The following TNPO3 variants were observed in gnomAD, a reference collection of about 807,000 sequenced individuals.
The protein encoded by TNPO3 is transportin 3.
Under a neutral mutation model 122.8 loss-of-function variants are expected in TNPO3, and 65 were observed. The observed-to-expected ratio is 0.53, with a 90% confidence interval of 0.43 to 0.65. The LOEUF (loss-of-function observed/expected upper bound fraction) is 0.65. Ranked by LOEUF, TNPO3 falls within the 30% of genes least tolerant of loss-of-function variation. The pLI, the probability that TNPO3 is intolerant of heterozygous loss-of-function variation, is 0.00. For synonymous variants in TNPO3, 372 were observed against 411.2 expected (o/e 0.90, Z 1.15); for missense variants, 850 against 1,136.7 (o/e 0.75, Z 3.63).
chr7:129,025,564 A>G (rs1247197810), intron 1 of TNPO3, among the ~76,000 whole-genome samples: 1 of 151,970 alleles, frequency 6.6e-6, no homozygotes, highest in African/African-American at 2.4e-5. Context: ...AATGGCCAGT[A>G]AAGTTCTATT....
chr7:128,954,520 A>T lies in TNPO3; in HGVS notation c.*897T>A, dbSNP rs1181984744. ...AACCTTAAAAAACAAAAACTTACAC[A>T]TTTATATCCTGCACTCCCCACCCAC... On this transcript the variant is annotated 3_prime_UTR_variant, in exon 23 of 23. Transcript: ENST00000265388. 1 of 152,110 alleles carries T rather than the reference A, an allele frequency of 6.6e-6. No homozygotes were observed. The highest frequency in any genetic ancestry group is 1.5e-5 in the Non-Finnish European group (1 of 68,034). 9.4% of individuals were successfully genotyped at this position (152,110 alleles called of 1,614,324 possible). A position where few individuals can be genotyped will look rare whatever the true frequency, so the allele number is the denominator to read the frequency against.
At chr7:129,009,754 C>CA (rs774832501) in intron 4 of TNPO3, among the ~76,000 whole-genome samples, 2 of 152,216 alleles carry the variant, frequency 1.3e-5, no homozygotes, top group Non-Finnish European at 2.9e-5. Flanking sequence ...ACAGTCTGAG[C>CA]ACCACAGCTT....
In TNPO3 at chr7:129,055,049, C is replaced by T; in HGVS notation, c.-279G>A. ...AGATTCTGGCGCTCCCGTCTTCAGT[C>T]GCTGACTTGCCCTCAGAAGCCTATC... On this transcript the variant is annotated 5_prime_UTR_variant, in exon 1 of 23. Transcript: ENST00000265388. 1 of 416,630 alleles carries T rather than the reference C, an allele frequency of 2.4e-6. No individual in the cohort carries two copies. Among genetic ancestry groups the T allele is most frequent in the Non-Finnish European group, 4.5e-6 (1 of 222,744 alleles). 25.8% of individuals were successfully genotyped at this position (416,630 alleles called of 1,614,324 possible).
rs199600419 is a variant in TNPO3 at position 128,970,149 on chromosome 7, G to T, written c.2597C>A (p.Pro866Gln). 1 of 1,613,952 alleles carries T rather than the reference G, an allele frequency of 6.2e-7. No homozygotes were observed. Among genetic ancestry groups the T allele is most frequent in the Non-Finnish European group, 8.5e-7 (1 of 1,179,932 alleles). Reference protein sequence around the residue: ...VLWEIMQVDRPTFCRWLENSL... With the variant: ...VLWEIMQVDRQTFCRWLENSL... Reference sequence around the variant, plus strand: ...AATTCCTCATGAAAACAATCTTACCGGTCTGTCAACCTGCATGATCTCCCA... The same window carrying T: ...AATTCCTCATGAAAACAATCTTACCTGTCTGTCAACCTGCATGATCTCCCA... Residue 866 changes from proline (P) to glutamine (Q), a missense_variant and splice_region_variant, in exon 20 of 23, where the codon CCG (proline) becomes CAG (glutamine). Physicochemically the swap from Pro to Gln is moderately conservative, Grantham distance 76 (BLOSUM62 -1). Transcript: ENST00000265388.
At chr7:128,980,972 G>GA (rs150330842) in intron 14 of TNPO3, among the ~76,000 whole-genome samples, 14,526 of 150,072 alleles carry the variant, frequency 0.097, 765 homozygotes, top group Non-Finnish European at 0.12. Context: ...AGAAAAGCAG[G>GA]AAAAAAAAAC....
intron 1 of TNPO3, chr7:129,028,760 C>A (rs1420735620): frequency 4.2e-6 from 1 of 238,392 alleles, no homozygotes; most frequent in Non-Finnish European, 8.2e-6. Flanking sequence ...GTTTCCACTG[C>A]TGCTCTGAGG....
rs771718229 is a variant in TNPO3, at chr7:128,967,406, AG to A, written c.2599-15del. ...TCGACAAAAAGTCTGTATAGGAAAG[AG>A]GGGTAAGAGTTTTAAAAGGAAGCAT... On this transcript the variant is annotated splice_polypyrimidine_tract_variant and intron_variant, in intron 20 of 22. Transcript: ENST00000265388. 5.2e-6 allele frequency: 8 copies of A among 1,552,422 alleles called. No homozygotes were observed. The East Asian group carries it at 9.0e-5, about 17-fold the overall frequency.
intron 3 of TNPO3, among the ~76,000 whole-genome samples, chr7:129,016,012 G>A (rs1331977291): frequency 3.3e-5 from 5 of 152,098 alleles, no homozygotes; most frequent in East Asian, 1.9e-4. Flanking sequence ...CCGGGAAGTC[G>A]AGGCTGAGGT....
intron 1 of TNPO3, among the ~76,000 whole-genome samples, chr7:129,021,529 T>C (rs373562219): frequency 2.6e-5 from 4 of 151,488 alleles, no homozygotes; most frequent in Admixed American, 6.6e-5. Context: ...CAAAATAATA[T>C]AGAACAAGTA....
chr7:129,005,555 G>A (rs1802478930), intron 4 of TNPO3, among the ~76,000 whole-genome samples: 1 of 152,068 alleles, frequency 6.6e-6, no homozygotes, highest in South Asian at 2.1e-4. Context: ...TCTTGTGATA[G>A]AGTTCTCACG....
chr7:128,968,268 TC>T (rs778282133), intron 20 of TNPO3, among the ~76,000 whole-genome samples: 30 of 152,224 alleles, frequency 2.0e-4, no homozygotes, highest in Admixed American at 1.4e-3. Flanking sequence ...ATCTGCCTGT[TC>T]TTTGTGTTAA....
rs764060615 is a variant in TNPO3, at chr7:128,992,102, GA to G, written c.1267-13del. The G allele has an allele frequency of 6.6e-7, 1 of 1,507,542 alleles. No individual in the cohort carries two copies. The highest frequency in any genetic ancestry group is 1.9e-5 in the Admixed American group (1 of 51,788). 93.4% of individuals were successfully genotyped at this position (1,507,542 alleles called of 1,614,324 possible). A position where few individuals can be genotyped will look rare whatever the true frequency, so the allele number is the denominator to read the frequency against. ...AGAGTAGAATATAACTAGAGAAGAA[GA>G]GGTGGATTATGGATCCATTAAAAGG... On this transcript the variant is annotated splice_polypyrimidine_tract_variant and intron_variant, in intron 9 of 22. Transcript: ENST00000265388.
At chr7:129,046,453 A>C (rs1183301455) in intron 1 of TNPO3, among the ~76,000 whole-genome samples, 2 of 152,224 alleles carry the variant, frequency 1.3e-5, no homozygotes, top group Non-Finnish European at 2.9e-5. Flanking sequence ...TTTCCTTTCA[A>C]AAGCATGTTT....
At chr7:129,015,702 A>G (rs1803767173) in intron 3 of TNPO3, among the ~76,000 whole-genome samples, 1 of 152,070 alleles carries the variant, frequency 6.6e-6, no homozygotes, top group Non-Finnish European at 1.5e-5. Context: ...GCATGGTGGT[A>G]TGCATCTGTA....
At chr7:128,960,050 G>A (rs921196987) in intron 21 of TNPO3, among the ~76,000 whole-genome samples, 1 of 152,084 alleles carries the variant, frequency 6.6e-6, no homozygotes, top group African/African-American at 2.4e-5. Flanking sequence ...ATGAATGTTA[G>A]AACTATAGTT....
At chr7:128,960,112 T>A (rs1481387933) in intron 21 of TNPO3, among the ~76,000 whole-genome samples, 1 of 152,198 alleles carries the variant, frequency 6.6e-6, no homozygotes, top group Non-Finnish European at 1.5e-5. Context: ...ATGACAGTGA[T>A]CCTATGAGTA....
In TNPO3 at chr7:128,989,942, G is replaced by C. The variant is rs760400123; in HGVS notation, c.1498+19C>G. On this transcript the variant is annotated intron_variant, in intron 11 of 22. Transcript: ENST00000265388. ...AAAATGACAAGTTAGAAGTGGCAGAGGAGAGAGATTACACATACCAAGGAA... is the reference window on the plus strand; with the variant it reads ...AAAATGACAAGTTAGAAGTGGCAGACGAGAGAGATTACACATACCAAGGAA... The C allele has an allele frequency of 4.4e-6, 7 of 1,605,122 alleles. No individual in the cohort carries two copies. The highest frequency in any genetic ancestry group is 5.1e-6 in the Non-Finnish European group (6 of 1,172,194).
intron 1 of TNPO3, among the ~76,000 whole-genome samples, chr7:129,047,720 A>G (rs987291032): frequency 1.3e-5 from 2 of 152,236 alleles, no homozygotes; most frequent in African/African-American, 4.8e-5. Context: ...GAATAAGGAT[A>G]ATAGTTTCAC....
intron 1 of TNPO3, among the ~76,000 whole-genome samples, chr7:129,051,244 G>T (rs867067614): frequency 3.9e-4 from 59 of 151,510 alleles, no homozygotes; most frequent in African/African-American, 1.4e-3. Flanking sequence ...ACTACATAAA[G>T]ATTTCAAAAA....
Sources: allele counts gnomAD v4.1 joint callset (sites outside exome capture counted in the v4.1 genomes callset), GRCh38; gene constraint gnomAD v4.1.1; transcripts MANE v1.5; gene names NCBI Gene and HGNC (gene_info 2026-07-23, HGNC 2026-07-21).